The following MCTP2 variants were observed in gnomAD, a reference collection of about 807,000 sequenced individuals.
The protein encoded by MCTP2 is multiple C2 and transmembrane domain-containing protein 2.
In MCTP2, 132 loss-of-function variants were observed where a neutral mutation model predicts 111.6. That is an observed-to-expected ratio of 1.18 (90% CI 1.03 to 1.37). The LOEUF is 1.37. Ranked by LOEUF, MCTP2 falls within the 40% of genes most tolerant of loss-of-function variation. MCTP2 has a pLI of 0.00. For synonymous variants in MCTP2, 395 were observed against 387.7 expected (o/e 1.02, Z -0.22); for missense variants, 1,183 against 1,067.9 (o/e 1.11, Z -1.50).
At chr15:94,449,097 G>A (rs1470027470) in intron 19 of MCTP2, among the ~76,000 whole-genome samples, 1 of 152,094 alleles carries the variant, frequency 6.6e-6, no homozygotes, top group Non-Finnish European at 1.5e-5. Context: ...TATCCAATGA[G>A]TTTATGAGAT....
intron 2 of MCTP2, among the ~76,000 whole-genome samples, chr15:94,308,402 C>A (rs772365): frequency 0.2 from 30,948 of 152,054 alleles, 3,421 homozygotes; most frequent in East Asian, 0.35. Context: ...GCAGCGTACC[C>A]AGGTCACTCA....
At chr15:94,279,469 G>A (rs367983285) in intron 1 of MCTP2, among the ~76,000 whole-genome samples, 42 of 151,684 alleles carry the variant, frequency 2.8e-4, no homozygotes, top group African/African-American at 9.4e-4. Flanking sequence ...ACTTGATTTT[G>A]TATCCTGAAA....
At chr15:94,346,833 G>A (rs1476694643) in intron 8 of MCTP2, among the ~76,000 whole-genome samples, 4 of 152,030 alleles carry the variant, frequency 2.6e-5, no homozygotes, top group East Asian at 1.9e-4. Flanking sequence ...AAAATATGAA[G>A]GAAACAGAAG....
chr15:94,458,566 TAAAA>T (rs2084984800), intron 20 of MCTP2, among the ~76,000 whole-genome samples: 1 of 152,120 alleles, frequency 6.6e-6, no homozygotes. Flanking sequence ...TATTCAGAAA[TAAAA>T]AGAGAAGCAA....
chr15:94,266,531 C>T (rs11635058), intron 1 of MCTP2, among the ~76,000 whole-genome samples: 60,829 of 151,942 alleles, frequency 0.4, 12,957 homozygotes, highest in Admixed American at 0.49. Flanking sequence ...ACATTTTCCT[C>T]CATTTTAAAA....
intron 17 of MCTP2, among the ~76,000 whole-genome samples, chr15:94,418,056 AT>A (rs1194706037): frequency 6.6e-6 from 1 of 152,038 alleles, no homozygotes; most frequent in Non-Finnish European, 1.5e-5. Flanking sequence ...TACCCAGAGC[AT>A]TTTTTTCTGT....
intron 21 of MCTP2, among the ~76,000 whole-genome samples, chr15:94,470,768 TCAAA>T (rs1187300994): frequency 7.6e-6 from 1 of 130,842 alleles, no homozygotes; most frequent in African/African-American, 2.7e-5. Context: ...GAAACACTGT[TCAAA>T]CAGTGAGCAA....
chr15:94,367,756 G>C lies in MCTP2; in HGVS notation c.1453G>C (p.Asp485His). ...TGATCTGTGTGTCTGCCCCTTAGCA[G>C]ACCTCAGCGAAAGAAAGCAGATTAC... ...VSDLCVCPLA[D>H]LSERKQITQR... Residue 485 changes from aspartate (D) to histidine (H), a missense_variant, in exon 11 of 23, where the codon GAC (aspartate) becomes CAC (histidine). Asp to His is a moderately conservative substitution (Grantham distance 81). Transcript: ENST00000357742. The C allele has an allele frequency of 1.9e-6, 3 of 1,606,068 alleles. No individual in the cohort carries two copies.
At chr15:94,245,219 TA>T (rs2071742656) in intron 1 of MCTP2, among the ~76,000 whole-genome samples, 6 of 121,018 alleles carry the variant, frequency 5.0e-5, no homozygotes, top group Admixed American at 3.4e-4. Context: ...TACATATGTG[TA>T]TATATACATA....
At chr15:94,437,758 G>C (rs1018710791) in intron 17 of MCTP2, among the ~76,000 whole-genome samples, 6 of 151,908 alleles carry the variant, frequency 3.9e-5, no homozygotes, top group African/African-American at 1.5e-4. Flanking sequence ...ATGTGGTCTT[G>C]GTAAAATATA....
chr15:94,293,203 G>A (rs2075108312), intron 1 of MCTP2, among the ~76,000 whole-genome samples: 1 of 152,032 alleles, frequency 6.6e-6, no homozygotes, highest in Admixed American at 6.6e-5. Flanking sequence ...TTAAAAAATG[G>A]CTTGTTAGAC....
chr15:94,331,009 C>T (rs2077110152), intron 4 of MCTP2, among the ~76,000 whole-genome samples: 1 of 152,200 alleles, frequency 6.6e-6, no homozygotes, highest in Non-Finnish European at 1.5e-5. Flanking sequence ...GCTGGGATTA[C>T]AGGCATGAGT....
rs76923702 is a variant in MCTP2 at position 94,445,616 on chromosome 15, C to T, written c.2250+2656C>T. Among the ~76,000 whole-genome samples the T allele has an allele frequency of 9.7e-4, 148 of 152,230 alleles. 1 individual carries two copies. The highest frequency in any genetic ancestry group is 3.0e-3 in the African/African-American group (126 of 41,540). Reference sequence around the variant, plus strand: ...CTCTGTGCAGATCAGCTTCTCCCACCGAGGTATGCTTGTCATAGACCAGGA... The same window carrying T: ...CTCTGTGCAGATCAGCTTCTCCCACTGAGGTATGCTTGTCATAGACCAGGA... On this transcript the variant is annotated intron_variant, in intron 19 of 22. Transcript: ENST00000357742.
chr15:94,321,518 A>G (rs2076628922), intron 4 of MCTP2, among the ~76,000 whole-genome samples: 1 of 152,218 alleles, frequency 6.6e-6, no homozygotes, highest in African/African-American at 2.4e-5. Flanking sequence ...AATAATCATA[A>G]TGCAAGTTGG....
rs762438951 is a variant in MCTP2, at chr15:94,315,619, G to T, written c.619G>T (p.Val207Phe). Residue 207 changes from valine (V) to phenylalanine (F), a missense_variant, in exon 4 of 23, where the codon GTT becomes TTT. Val to Phe is a conservative substitution (Grantham distance 50). Transcript: ENST00000357742. ...TIHLKEGRNL[V>F]VRDRCGTSDP... Reference sequence around the variant, plus strand: ...ACACCTGAAGGAAGGCCGGAACCTGGTTGTCCGAGATCGCTGTGGTAAGAC... The same window carrying T: ...ACACCTGAAGGAAGGCCGGAACCTGTTTGTCCGAGATCGCTGTGGTAAGAC... The T allele has an allele frequency of 6.2e-7, 1 of 1,613,894 alleles. No homozygotes were observed. Among genetic ancestry groups the T allele is most frequent in the East Asian group, 2.2e-5 (1 of 44,882 alleles).
chr15:94,364,560 G>A (rs1018853840), intron 10 of MCTP2, among the ~76,000 whole-genome samples: 2 of 152,138 alleles, frequency 1.3e-5, no homozygotes, highest in African/African-American at 4.8e-5. Context: ...ATGTATTATA[G>A]AATGTTTACG....
intron 12 of MCTP2, among the ~76,000 whole-genome samples, chr15:94,377,634 G>A (rs1412252015): frequency 6.6e-6 from 1 of 152,148 alleles, no homozygotes; most frequent in Non-Finnish European, 1.5e-5. Context: ...TCTATTCTCT[G>A]TGATGCCTTA....
chr15:94,397,400 C>T (rs995783890), intron 14 of MCTP2, among the ~76,000 whole-genome samples: 3 of 152,202 alleles, frequency 2.0e-5, no homozygotes, highest in Non-Finnish European at 2.9e-5. Flanking sequence ...AATGACTGTG[C>T]GTTGAAGCAA....
At chr15:94,387,798 C>T (rs2080599932) in intron 14 of MCTP2, among the ~76,000 whole-genome samples, 1 of 152,180 alleles carries the variant, frequency 6.6e-6, no homozygotes, top group African/African-American at 2.4e-5. Context: ...TGGGGAAGGG[C>T]ACTTTTTTCC....
Sources: allele counts gnomAD v4.1 joint callset (sites outside exome capture counted in the v4.1 genomes callset), GRCh38; gene constraint gnomAD v4.1.1; transcripts MANE v1.5; gene names NCBI Gene and HGNC (gene_info 2026-07-23, HGNC 2026-07-21).